The following SENP6 variants were observed in gnomAD, a reference collection of about 807,000 sequenced individuals.
SENP6 encodes the protein SUMO specific peptidase 6.
A neutral mutation model predicts 134.5 loss-of-function variants in SENP6; 41 were observed. That is an observed-to-expected ratio of 0.30 (90% CI 0.24 to 0.40). The LOEUF is 0.40. Among genes scored for constraint, SENP6 ranks in the 10% least tolerant of loss-of-function variants. The pLI is 1.00. For synonymous variants in SENP6, 395 were observed against 429.8 expected (o/e 0.92, Z 1.00); for missense variants, 1,248 against 1,312.5 (o/e 0.95, Z 0.76).
intron 3 of SENP6, among the ~76,000 whole-genome samples, chr6:75,628,588 A>G (rs181865635): frequency 6.6e-6 from 1 of 152,332 alleles, no homozygotes; most frequent in Non-Finnish European, 1.5e-5. Context: ...TTAAAAATTG[A>G]CACATAACAA....
At chr6:75,656,365 T>C (rs1771340010) in intron 7 of SENP6, among the ~76,000 whole-genome samples, 1 of 152,130 alleles carries the variant, frequency 6.6e-6, no homozygotes. Context: ...GTCACATGGT[T>C]TTTGTCTTAA....
rs1766680488 is a variant in SENP6, at chr6:75,602,303, G to GCCGCGGGCCTCGCTGCCCGCCAGC, written c.-215_-192dup. 2.2e-6 allele frequency: 1 copy of GCCGCGGGCCTCGCTGCCCGCCAGC among 460,490 alleles called. No homozygotes were observed. The allele number at this position is 460,490 out of a possible 1,614,324, so 28.5% of individuals were successfully genotyped here. A position where few individuals can be genotyped will look rare whatever the true frequency, so the allele number is the denominator to read the frequency against. On this transcript the variant is annotated 5_prime_UTR_variant, in exon 1 of 24. Coordinates refer to ENST00000447266, the MANE Select transcript of SENP6 (RefSeq NM_015571.4). ...CCCCGGAGAGGCCTGAGAAGCTCGG[G>GCCGCGGGCCTCGCTGCCCGCCAGC]CCGCGGGCCTCGCTGCCCGCCAGCC...
intron 7 of SENP6, among the ~76,000 whole-genome samples, chr6:75,658,921 A>C (rs1771545500): frequency 7.5e-6 from 1 of 133,896 alleles, no homozygotes; most frequent in South Asian, 2.6e-4. Context: ...AGAGTGAGCT[A>C]TGAGCATGCC....
intron 11 of SENP6, among the ~76,000 whole-genome samples, chr6:75,671,309 G>A (rs2149873812): frequency 6.6e-6 from 1 of 152,196 alleles, no homozygotes; most frequent in African/African-American, 2.4e-5. Context: ...TAGATTAATT[G>A]TAAAGCACTG....
intron 3 of SENP6, among the ~76,000 whole-genome samples, chr6:75,632,673 C>CT (rs71544051): frequency 0.096 from 14,598 of 152,102 alleles, 723 homozygotes; most frequent in Non-Finnish European, 0.11. Flanking sequence ...TGATGCTGTG[C>CT]TTGCATTACC....
intron 7 of SENP6, among the ~76,000 whole-genome samples, chr6:75,650,966 C>T (rs1770816566): frequency 6.6e-6 from 1 of 152,084 alleles, no homozygotes; most frequent in South Asian, 2.1e-4. Flanking sequence ...GAATTTGAGG[C>T]ACTTAGTATA....
intron 3 of SENP6, among the ~76,000 whole-genome samples, chr6:75,631,198 A>G (rs920803372): frequency 6.6e-6 from 1 of 152,162 alleles, no homozygotes; most frequent in Non-Finnish European, 1.5e-5. Flanking sequence ...AATGGTTTCT[A>G]TTAGGTTCTC....
At chr6:75,656,723 C>T (rs895746339) in intron 7 of SENP6, among the ~76,000 whole-genome samples, 12 of 152,126 alleles carry the variant, frequency 7.9e-5, no homozygotes, top group African/African-American at 2.9e-4. Context: ...TACCATTTCT[C>T]CTCATGACAT....
chr6:75,681,446 C>T (rs34985418), intron 16 of SENP6, among the ~76,000 whole-genome samples: 5,311 of 151,778 alleles, frequency 0.035, 134 homozygotes, highest in Non-Finnish European at 0.054. Flanking sequence ...TATAAATTAC[C>T]CAGTCTCAGG....
chr6:75,610,845 C>T (rs1767385549), intron 1 of SENP6: 2 of 130,340 alleles, frequency 1.5e-5, no homozygotes, highest in African/African-American at 5.5e-5. Context: ...ATATCAAATA[C>T]ATTTTATAGT....
chr6:75,700,056 G>T (rs529768130), intron 18 of SENP6, among the ~76,000 whole-genome samples: 2 of 151,996 alleles, frequency 1.3e-5, no homozygotes, highest in Non-Finnish European at 1.5e-5. Flanking sequence ...AACTACAGGC[G>T]CATGCCACAG....
At chr6:75,688,588 T>C (rs549820802) in intron 16 of SENP6, among the ~76,000 whole-genome samples, 9 of 152,046 alleles carry the variant, frequency 5.9e-5, no homozygotes, top group African/African-American at 2.2e-4. Flanking sequence ...GTGCCCCCAT[T>C]TCAAGGACAC....
chr6:75,621,286 T>C (rs1768249208), intron 1 of SENP6, among the ~76,000 whole-genome samples: 1 of 152,188 alleles, frequency 6.6e-6, no homozygotes, highest in Non-Finnish European at 1.5e-5. Context: ...CCGTTTTTAT[T>C]ATAGCTTTCT....
chr6:75,685,124 T>C (rs1396896828), intron 16 of SENP6, among the ~76,000 whole-genome samples: 2 of 152,214 alleles, frequency 1.3e-5, no homozygotes, highest in Non-Finnish European at 2.9e-5. Context: ...GGTTTAGTCT[T>C]GGGAGGGTGT....
intron 2 of SENP6, chr6:75,622,795 C>T (rs187145099): frequency 2.5e-5 from 32 of 1,289,004 alleles, no homozygotes; most frequent in Non-Finnish European, 3.2e-5. Flanking sequence ...ATCATTACCA[C>T]TTTATGTGCC....
chr6:75,683,267 A>G (rs993267665), intron 16 of SENP6, among the ~76,000 whole-genome samples: 2 of 151,384 alleles, frequency 1.3e-5, no homozygotes, highest in Admixed American at 6.6e-5. Flanking sequence ...TTTTTCTTGT[A>G]AATTTGTTTG....
At chr6:75,655,592 A>T (rs1771257014) in intron 7 of SENP6, among the ~76,000 whole-genome samples, 1 of 152,134 alleles carries the variant, frequency 6.6e-6, no homozygotes, top group Admixed American at 6.5e-5. Context: ...TTCATTCAGG[A>T]TCTTATTTTG....
Position 75,626,551 on chromosome 6 carries a change from AT to A in SENP6, c.207+2598del, listed in dbSNP as rs759994329. 4.9e-4 allele frequency among the ~76,000 whole-genome samples: 74 copies of A among 152,138 alleles called. No homozygotes were observed. In the Middle Eastern group the frequency reaches 0.014, roughly 28 times the overall value. On this transcript the variant is annotated intron_variant, in intron 3 of 23. Transcript: ENST00000447266. ...AGTTTGTCCCTACTGATGAATAGAG[AT>A]TTTTTTCCCCCAGTCTTTTGCTATT... is the stretch of plus-strand genomic sequence containing the variant.
At chr6:75,625,548 T>C (rs1768617612) in intron 3 of SENP6, among the ~76,000 whole-genome samples, 1 of 152,186 alleles carries the variant, frequency 6.6e-6, no homozygotes, top group Non-Finnish European at 1.5e-5. Flanking sequence ...GAGTCTACTG[T>C]CTTTGTTCCT....
Sources: allele counts gnomAD v4.1 joint callset (sites outside exome capture counted in the v4.1 genomes callset), GRCh38; gene constraint gnomAD v4.1.1; transcripts MANE v1.5; gene names NCBI Gene and HGNC (gene_info 2026-07-23, HGNC 2026-07-21).